LARP4B: variants seen among roughly 807,000 people sequenced by gnomAD.
LARP4B encodes La ribonucleoprotein 4B.
In LARP4B, 12 loss-of-function variants were observed where a neutral mutation model predicts 89.8. The observed-to-expected ratio is 0.13, with a 90% confidence interval of 0.09 to 0.22. LARP4B has a LOEUF of 0.22. Among genes scored for constraint, LARP4B ranks in the 10% least tolerant of loss-of-function variants. The pLI is 1.00. For missense variants in LARP4B, 757 were observed against 947.7 expected (o/e 0.80, Z 2.64); for synonymous variants, 367 against 363.3 (o/e 1.01, Z -0.12).
At position 812,772 on chromosome 10, in the gene LARP4B, G is replaced by A; in HGVS notation, c.*154C>T. On this transcript the variant is annotated 3_prime_UTR_variant, in exon 18 of 18. Transcript: ENST00000316157. ...AAAATCGATTTTTTTTCAAGAGGGG[G>A]AGAATCCAACTCACAGAAGAAAACC... 5.6e-6 allele frequency: 3 copies of A among 537,416 alleles called. No homozygotes were observed. The highest frequency in any genetic ancestry group is 8.8e-6 in the Non-Finnish European group (3 of 342,192). 33.3% of individuals were successfully genotyped at this position (537,416 alleles called of 1,614,324 possible). A position where few individuals can be genotyped will look rare whatever the true frequency, so the allele number is the denominator to read the frequency against.
intron 1 of LARP4B, among the ~76,000 whole-genome samples, chr10:895,191 A>C (rs1363555508): frequency 1.3e-5 from 2 of 152,042 alleles, no homozygotes; most frequent in Admixed American, 1.3e-4. Context: ...GTCTCAAAAA[A>C]TAAAATAAAA....
At chr10:836,300 A>G (rs1433169341) in intron 8 of LARP4B, 103 bp downstream of exon 8, 4 of 783,182 alleles carry the variant, frequency 5.1e-6, no homozygotes, top group African/African-American at 1.7e-5. Context: ...TACTCAGTCT[A>G]AAAAACACAC....
At chr10:827,603 C>G (rs1478828344) in intron 11 of LARP4B, among the ~76,000 whole-genome samples, 2 of 152,148 alleles carry the variant, frequency 1.3e-5, no homozygotes, top group African/African-American at 4.8e-5. Flanking sequence ...CAGAGCAGGA[C>G]CAGCTGTCTG....
At chr10:893,572 A>T (rs1836101700) in intron 1 of LARP4B, among the ~76,000 whole-genome samples, 1 of 152,160 alleles carries the variant, frequency 6.6e-6, no homozygotes, top group Non-Finnish European at 1.5e-5. Flanking sequence ...TGCTGTACTT[A>T]GCTGTCCTTC....
At chr10:878,137 C>T (rs992550135) in intron 3 of LARP4B, among the ~76,000 whole-genome samples, 14 of 152,192 alleles carry the variant, frequency 9.2e-5, no homozygotes, top group African/African-American at 2.9e-4. Context: ...GCTGGAGCAG[C>T]GTGCCAGAGG....
At chr10:837,055 A>T (rs1833257558) in intron 7 of LARP4B, among the ~76,000 whole-genome samples, 1 of 152,242 alleles carries the variant, frequency 6.6e-6, no homozygotes, top group Admixed American at 6.5e-5. Context: ...TGTCACAAAG[A>T]CACAAATCAC....
chr10:963,617 A>G, the LARP4B span, among the ~76,000 whole-genome samples: 1 of 152,230 alleles, frequency 6.6e-6, no homozygotes, highest in East Asian at 1.9e-4. Context: ...AATAAAGGGG[A>G]AAAGATGCCT....
At chr10:840,529 C>G (rs1240161771) in intron 7 of LARP4B, among the ~76,000 whole-genome samples, 1 of 152,166 alleles carries the variant, frequency 6.6e-6, no homozygotes, top group African/African-American at 2.4e-5. Flanking sequence ...CTCACTGTAA[C>G]AGCTCTGGTA....
chr10:901,469 T>G (rs1424342266), intron 1 of LARP4B, among the ~76,000 whole-genome samples: 1 of 152,208 alleles, frequency 6.6e-6, no homozygotes, highest in Non-Finnish European at 1.5e-5. Context: ...CCATGTACCT[T>G]ATACACATCA....
At chr10:908,618 T>C (rs537590092) in intron 1 of LARP4B, among the ~76,000 whole-genome samples, 10 of 152,314 alleles carry the variant, frequency 6.6e-5, no homozygotes, top group African/African-American at 2.4e-4. Flanking sequence ...TAAAACTGAT[T>C]GGTTGCTGGT....
the LARP4B span, among the ~76,000 whole-genome samples, chr10:956,343 C>CTTTTT: frequency 6.8e-6 from 1 of 146,302 alleles, no homozygotes; most frequent in African/African-American, 2.5e-5. The surrounding 1 kb of genome is among the most constrained non-coding windows in gnomAD (Gnocchi z 4.3). Context: ...CTCAGAAATT[C>CTTTTT]TTTTTTTTTT....
At chr10:908,498 C>T (rs141132806) in intron 1 of LARP4B, among the ~76,000 whole-genome samples, 335 of 152,222 alleles carry the variant, frequency 2.2e-3, no homozygotes, top group African/African-American at 6.4e-3. Context: ...GTGGGAGTGG[C>T]ATCAGAAGGG....
intron 3 of LARP4B, among the ~76,000 whole-genome samples, chr10:878,759 A>G (rs1835556738): frequency 6.6e-6 from 1 of 152,204 alleles, no homozygotes; most frequent in African/African-American, 2.4e-5. Context: ...TTCTCTCAGT[A>G]CAACTGTTTG....
intron 1 of LARP4B, among the ~76,000 whole-genome samples, chr10:895,760 A>T (rs566102258): frequency 2.1e-4 from 32 of 151,984 alleles, no homozygotes; most frequent in South Asian, 4.2e-4. Flanking sequence ...ATAAAGATTT[A>T]AAAAAAAGAC....
At chr10:970,179 G>A in the LARP4B span, among the ~76,000 whole-genome samples, 1 of 152,222 alleles carries the variant, frequency 6.6e-6, no homozygotes, top group African/African-American at 2.4e-5. Flanking sequence ...TATACTTATG[G>A]ATTCGATGAC....
chr10:871,736 A>T (rs1342453757), intron 3 of LARP4B, among the ~76,000 whole-genome samples: 1 of 152,006 alleles, frequency 6.6e-6, no homozygotes, highest in African/African-American at 2.4e-5. Context: ...CCCACTTCCA[A>T]ATCTTACTGC....
chr10:832,742 G>A (rs1832975087), intron 8 of LARP4B, among the ~76,000 whole-genome samples: 1 of 152,042 alleles, frequency 6.6e-6, no homozygotes, highest in South Asian at 2.1e-4. Flanking sequence ...ATAAATAAAG[G>A]TGAAATAAGA....
intron 1 of LARP4B, among the ~76,000 whole-genome samples, chr10:899,812 A>G (rs982590007): frequency 2.0e-5 from 3 of 152,232 alleles, no homozygotes; most frequent in African/African-American, 4.8e-5. Context: ...ATTCAACTAG[A>G]TAAGTAAACA....
chr10:826,691 C>T (rs1297792095), intron 11 of LARP4B, among the ~76,000 whole-genome samples: 3 of 152,196 alleles, frequency 2.0e-5, no homozygotes, highest in Non-Finnish European at 4.4e-5. Context: ...ACTGATATCT[C>T]GCTCCTTATG....
Sources: gnomAD v4.1 joint callset for allele counts (sites outside exome capture counted in the v4.1 genomes callset) on GRCh38, gnomAD v4.1.1 for gene constraint, Gnocchi (gnomAD v3.1) non-coding constraint, MANE v1.5 for transcripts, NCBI Gene and HGNC (gene_info 2026-07-23, HGNC 2026-07-21) for gene names.